The following CCDC57 variants were observed in gnomAD, a reference collection of about 807,000 sequenced individuals.
The protein encoded by CCDC57 is coiled-coil domain containing 57, also known as coiled-coil domain-containing protein 57.
In CCDC57, 118 loss-of-function variants were observed where a neutral mutation model predicts 118.9. That is an observed-to-expected ratio of 0.99 (90% CI 0.86 to 1.16). The LOEUF (loss-of-function observed/expected upper bound fraction) is 1.16. CCDC57 is among the 50% of genes most tolerant of loss of function. The pLI, the probability that CCDC57 is intolerant of heterozygous loss-of-function variation, is 0.00. For missense variants in CCDC57, 1,300 were observed against 1,320.7 expected (o/e 0.98, Z 0.24); for synonymous variants, 527 against 532.9 (o/e 0.99, Z 0.15).
intron 17 of CCDC57, among the ~76,000 whole-genome samples, chr17:82,133,300 G>A (rs8065556): frequency 6.6e-6 from 1 of 151,382 alleles, no homozygotes; most frequent in African/African-American, 2.4e-5. Context: ...CTTGAGCCTA[G>A]GAAGCCGAGG....
chr17:82,115,479 A>C (rs896307247), intron 19 of CCDC57, among the ~76,000 whole-genome samples: 1 of 152,190 alleles, frequency 6.6e-6, no homozygotes, highest in African/African-American at 2.4e-5. Context: ...ACCTTAGGAT[A>C]CATTTTATGG....
At chr17:82,109,781 T>G (rs1209795334) in intron 19 of CCDC57, among the ~76,000 whole-genome samples, 1 of 151,612 alleles carries the variant, frequency 6.6e-6, no homozygotes, top group Non-Finnish European at 1.5e-5. Context: ...GGTGTGAACC[T>G]GGGAGGCGGA....
In CCDC57 at chr17:82,102,893, A is replaced by C. The variant is rs530066904; in HGVS notation, c.2900-1027T>G. ...AAGGGCAAACTCTATCTCAAAAAAA[A>C]AAAAAACAAAAAAAACCCCACAGTA... On this transcript the variant is annotated intron_variant, in intron 19 of 19. Coordinates refer to ENST00000665763, the Ensembl canonical transcript of CCDC57. 3.3e-5 allele frequency among the ~76,000 whole-genome samples: 5 copies of C among 151,820 alleles called. No individual in the cohort carries two copies. The South Asian group carries it at 8.3e-4, about 25-fold the overall frequency.
At chr17:82,117,147 C>T (rs1437209154) in intron 19 of CCDC57, among the ~76,000 whole-genome samples, 2 of 151,928 alleles carry the variant, frequency 1.3e-5, no homozygotes, top group South Asian at 2.1e-4. Flanking sequence ...CCCAGGAGTT[C>T]GAGACCAGCC....
At chr17:82,146,511 C>T (rs550674495) in intron 16 of CCDC57, among the ~76,000 whole-genome samples, 4 of 152,286 alleles carry the variant, frequency 2.6e-5, no homozygotes, top group African/African-American at 9.6e-5. Flanking sequence ...TCCCAAGTAG[C>T]TGGAACTTCA....
chr17:82,201,995 C>T, intron 2 of CCDC57, 43 bp from the exon 2 acceptor site: 1 of 1,485,754 alleles, frequency 6.7e-7, no homozygotes, highest in South Asian at 1.3e-5. Flanking sequence ...CCGTGAGGGG[C>T]CCTAATTTTC....
At chr17:82,183,895 C>T (rs1162961588) in exon 9 of CCDC57, 1 of 1,613,686 alleles carries the variant, frequency 6.2e-7, no homozygotes. Context: ...ATTTGAGCAT[C>T]CCAGGCAGAT....
intron 13 of CCDC57, among the ~76,000 whole-genome samples, chr17:82,169,357 G>A (rs1416910125): frequency 6.6e-6 from 1 of 152,118 alleles, no homozygotes; most frequent in African/African-American, 2.4e-5. Flanking sequence ...TCAAACTCCC[G>A]ACCTCAGGTG....
Position 82,195,159 on chromosome 17 carries a change from T to C in CCDC57, c.618+104A>G. 3 of 837,882 alleles carry C rather than the reference T, an allele frequency of 3.6e-6. No homozygotes were observed. The Admixed American group carries it at 6.1e-5, about 17-fold the overall frequency. 51.9% of individuals were successfully genotyped at this position (837,882 alleles called of 1,614,324 possible). On this transcript the variant is annotated intron_variant, in intron 5 of 19. Coordinates refer to ENST00000665763, the Ensembl canonical transcript of CCDC57. ...TTGAACTCCTGGGCCCAAGGGATCC[T>C]CTTGCCTTGGTCTCCCAAAGTGCTG...
At chr17:82,117,395 C>A (rs976730000) in intron 19 of CCDC57, among the ~76,000 whole-genome samples, 2 of 150,256 alleles carry the variant, frequency 1.3e-5, no homozygotes, top group African/African-American at 4.9e-5. Context: ...TAATCCAGCA[C>A]TTTGGGAGGC....
At chr17:82,200,949 G>A (rs2048923337) in intron 3 of CCDC57, among the ~76,000 whole-genome samples, 1 of 152,192 alleles carries the variant, frequency 6.6e-6, no homozygotes, top group Non-Finnish European at 1.5e-5. Flanking sequence ...CTCTGTTAAT[G>A]TGCTATGATG....
chr17:82,188,808 G>A (rs1301481486), intron 7 of CCDC57, among the ~76,000 whole-genome samples: 1 of 152,204 alleles, frequency 6.6e-6, no homozygotes, highest in Non-Finnish European at 1.5e-5. Flanking sequence ...CCAGGTCTAC[G>A]GAGCCACACC....
chr17:82,197,406 C>T (rs1320551717), intron 4 of CCDC57, among the ~76,000 whole-genome samples: 2 of 152,242 alleles, frequency 1.3e-5, no homozygotes, highest in Admixed American at 6.5e-5. Flanking sequence ...CAACAAAACC[C>T]CAGCACAGCT....
chr17:82,128,126 C>T (rs1458792407), intron 18 of CCDC57, among the ~76,000 whole-genome samples: 1 of 152,172 alleles, frequency 6.6e-6, no homozygotes, highest in Non-Finnish European at 1.5e-5. Context: ...TGGGCAGGGC[C>T]TGAATCTCAG....
At chr17:82,174,687 CTA>C (rs2045245185) in intron 11 of CCDC57, among the ~76,000 whole-genome samples, 1 of 152,214 alleles carries the variant, frequency 6.6e-6, no homozygotes. Context: ...GGCATAGCAT[CTA>C]TGTCTAACTA....
chr17:82,114,750 A>AATTGTAAAC (rs1418863195), intron 19 of CCDC57, among the ~76,000 whole-genome samples: 1 of 152,236 alleles, frequency 6.6e-6, no homozygotes, highest in African/African-American at 2.4e-5. Context: ...AAACCTCTAA[A>AATTGTAAAC]ATTGTAAACA....
At chr17:82,211,001 AAAAAAAAAG>A in intron 1 of CCDC57, among the ~76,000 whole-genome samples, 1 of 61,552 alleles carries the variant, frequency 1.6e-5, no homozygotes, top group African/African-American at 8.4e-5. Flanking sequence ...CTTAAAAAAA[AAAAAAAAAG>A]AAAAAAAAAA....
At chr17:82,185,428 G>A (rs1219345975) in intron 8 of CCDC57, among the ~76,000 whole-genome samples, 1 of 151,802 alleles carries the variant, frequency 6.6e-6, no homozygotes. Context: ...AAACCAGCCT[G>A]GGCAACATGA....
chr17:82,139,529 T>C (rs1446698358), intron 16 of CCDC57, among the ~76,000 whole-genome samples: 1 of 152,136 alleles, frequency 6.6e-6, no homozygotes, highest in Non-Finnish European at 1.5e-5. Context: ...CTAATTTTTG[T>C]GTTTTTAGTA....
Sources: gnomAD v4.1 joint callset for allele counts (sites outside exome capture counted in the v4.1 genomes callset) on GRCh38, gnomAD v4.1.1 for gene constraint, MANE v1.5 for transcripts, NCBI Gene and HGNC (gene_info 2026-07-23, HGNC 2026-07-21) for gene names.